The following CCNB1 variants were observed in gnomAD, a reference collection of about 807,000 sequenced individuals.
CCNB1 encodes cyclin B1.
CCNB1 carries 26 observed loss-of-function variants against 44.4 expected under a neutral mutation model. That is an observed-to-expected ratio of 0.59 (90% CI 0.43 to 0.81). The LOEUF is 0.81. Among genes scored for constraint, CCNB1 ranks in the 40% least tolerant of loss-of-function variants. The pLI is 0.00. For synonymous variants in CCNB1, 195 were observed against 181.4 expected, an observed-to-expected ratio of 1.08 and a Z score of -0.60; for missense variants, 477 against 520.9, an observed-to-expected ratio of 0.92 and a Z score of 0.82.
intron 5 of CCNB1, 80 bp downstream of exon 5, chr5:69,174,489 C>T (rs1314282808): frequency 9.6e-6 from 13 of 1,349,910 alleles, no homozygotes; most frequent in East Asian, 2.3e-5. Context: ...CCAGTCTGGG[C>T]GCAGTGGCTC....
intron 3 of CCNB1, among the ~76,000 whole-genome samples, chr5:69,170,182 G>T (rs1278677080): frequency 6.9e-6 from 1 of 144,124 alleles, no homozygotes; most frequent in South Asian, 2.3e-4. Context: ...GGAGTTTCAC[G>T]ATGTTGGCCA....
At position 69,167,793 on chromosome 5, in the gene CCNB1, C is replaced by G. The variant is rs544663194; in HGVS notation, c.22-115C>G. The G allele has an allele frequency of 2.3e-3, 2,116 of 920,834 alleles. 9 individuals carry two copies. The highest frequency in any genetic ancestry group is 2.9e-3 in the Non-Finnish European group (1,801 of 614,688). The allele number at this position is 920,834 out of a possible 1,614,324, so 57.0% of individuals were successfully genotyped here. On this transcript the variant is annotated intron_variant, in intron 1 of 8. Transcript: ENST00000256442. ...CTGGGACCCATGTTTTCCCTCGGAA[C>G]CCATTTTTAGTCGGCTTTCTTTCTG... is the stretch of plus-strand genomic sequence containing the variant.
rs547242357 is a variant in CCNB1 at position 69,170,214 on chromosome 5, C to T, written c.364-1056C>T. On this transcript the variant is annotated intron_variant, in intron 3 of 8. Transcript: ENST00000256442. ...GCCAGGCTGGTCTCGAACTCCTGAC[C>T]TCGTGATCTGCCTGCCTCGGCCTTC... Among the ~76,000 whole-genome samples, 4 of 151,924 alleles carry T rather than the reference C, an allele frequency of 2.6e-5. No individual in the cohort carries two copies. The South Asian group carries it at 8.3e-4, about 32-fold the overall frequency.
In CCNB1 at chr5:69,174,381, C is replaced by T; in HGVS notation, c.677C>T (p.Thr226Ile). The change falls in exon 5 of 9, where the codon ACT becomes ATT. Residue 226 changes from threonine to isoleucine, a missense_variant. By Grantham distance (89) the Thr-to-Ile change is moderately conservative. Transcript: ENST00000256442. ...TTGTTGCAGGAGACCATGTACATGA[C>T]TGTCTCCATTATTGATCGGTTCATG... ...FRLLQETMYM[T>I]VSIIDRFMQN... 1 of 1,613,702 alleles carries T rather than the reference C, an allele frequency of 6.2e-7. No homozygotes were observed. Among genetic ancestry groups the T allele is most frequent in the Non-Finnish European group, 8.5e-7 (1 of 1,179,606 alleles).
chr5:69,169,638 CCT>C (rs944420605), intron 3 of CCNB1, among the ~76,000 whole-genome samples: 30 of 152,086 alleles, frequency 2.0e-4, no homozygotes, highest in African/African-American at 5.5e-4. Context: ...ATCTCCACCC[CCT>C]GTTCCTAGAA....
At chr5:69,170,823 G>T (rs1747443071) in intron 3 of CCNB1, among the ~76,000 whole-genome samples, 1 of 152,182 alleles carries the variant, frequency 6.6e-6, no homozygotes, top group Admixed American at 6.5e-5. Context: ...TTGCTATATT[G>T]CCCAGGCTAG....
chr5:69,177,034 C>A, intron 7 of CCNB1: 2 of 408,868 alleles, frequency 4.9e-6, no homozygotes, highest in Non-Finnish European at 8.7e-6. Flanking sequence ...GTGGGCAAGT[C>A]AGCAATTACA....
intron 3 of CCNB1, among the ~76,000 whole-genome samples, chr5:69,171,051 T>A (rs1747447987): frequency 6.6e-6 from 1 of 152,098 alleles, no homozygotes; most frequent in South Asian, 2.1e-4. Flanking sequence ...AGATTAAAGG[T>A]GTGAGCCACC....
intron 7 of CCNB1, among the ~76,000 whole-genome samples, chr5:69,176,121 C>G (rs908856661): frequency 6.6e-6 from 1 of 151,166 alleles, no homozygotes; most frequent in Non-Finnish European, 1.5e-5. Context: ...ACTCTGGGCT[C>G]AAGCGATCCA....
At chr5:69,176,546 T>TGTA (rs1554057065) in intron 7 of CCNB1, among the ~76,000 whole-genome samples, 4 of 149,304 alleles carry the variant, frequency 2.7e-5, no homozygotes, top group Admixed American at 1.3e-4. Flanking sequence ...ATATATATTT[T>TGTA]TTTTTAGTAG....
At chr5:69,170,295 T>C (rs762445227) in intron 3 of CCNB1, among the ~76,000 whole-genome samples, 67 of 152,248 alleles carry the variant, frequency 4.4e-4, no homozygotes, top group Non-Finnish European at 7.6e-4. Context: ...TTCTTTACTT[T>C]GTCTACTAAA....
At position 69,168,311 on chromosome 5, in the gene CCNB1, AAAG is replaced by A; in HGVS notation, c.337_339del (p.Glu113del). The A allele has an allele frequency of 1.2e-6, 2 of 1,614,022 alleles. No individual in the cohort carries two copies. Among genetic ancestry groups the A allele is most frequent in the Non-Finnish European group, 1.7e-6 (2 of 1,179,862 alleles). On this transcript the variant is annotated inframe_deletion, in exon 3 of 9. Transcript: ENST00000256442. ...ACCTGAGCCAGAACCTGAGCCTGTT[AAAG>A]AAGAAAAACTTTCGCCTGAGCCTAT...
In CCNB1 at chr5:69,171,430, A is replaced by G; in HGVS notation, c.524A>G (p.Tyr175Cys). The G allele has an allele frequency of 1.2e-6, 2 of 1,605,310 alleles. No homozygotes were observed. Among genetic ancestry groups the G allele is most frequent in the Non-Finnish European group, 1.7e-6 (2 of 1,177,416 alleles). The change falls in exon 4 of 9, where the codon TAT (tyrosine) becomes TGT (cysteine). Residue 175 changes from tyrosine to cysteine, a missense_variant. Physicochemically the swap from Tyr to Cys is radical, Grantham distance 194 (BLOSUM62 -2). Transcript: ENST00000256442. ...NLCSEYVKDI[Y>C]AYLRQLEEEQ... ...TGTAGTGAATATGTGAAAGATATTT[A>G]TGCTTATCTGAGACAACTTGAGGTA...
At chr5:69,171,204 G>A (rs1184935283) in intron 3 of CCNB1, 66 bp from the exon 4 acceptor site, 2 of 1,262,310 alleles carry the variant, frequency 1.6e-6, no homozygotes, top group Non-Finnish European at 2.2e-6. Context: ...CCAATAACCT[G>A]AACTTCATGC....
At chr5:69,174,775 T>TAATC (rs2112056981) in intron 5 of CCNB1, 102 bp from the exon 6 acceptor site, 2 of 932,306 alleles carry the variant, frequency 2.1e-6, no homozygotes, top group Non-Finnish European at 3.4e-6. Flanking sequence ...ATGGTGTCAT[T>TAATC]AAGATTTTGC....
intron 3 of CCNB1, among the ~76,000 whole-genome samples, chr5:69,168,979 T>G (rs1017296926): frequency 2.0e-5 from 3 of 152,180 alleles, no homozygotes; most frequent in African/African-American, 7.2e-5. Context: ...GAAAGGTAGG[T>G]CATGTAGAGG....
At chr5:69,174,143 T>C (rs1198201963) in intron 4 of CCNB1, 108 bp from the exon 5 acceptor site, 8 of 857,130 alleles carry the variant, frequency 9.3e-6, no homozygotes, top group East Asian at 2.4e-5. Flanking sequence ...AGAACTGATA[T>C]AGATTATAAA....
In CCNB1 at chr5:69,168,229, T is replaced by G. The variant is rs757225235; in HGVS notation, c.249T>G (p.Leu83=). 19 of 1,614,050 alleles carry G rather than the reference T, an allele frequency of 1.2e-5. No individual in the cohort carries two copies. The South Asian group carries it at 2.1e-4, about 18-fold the overall frequency. ...KVIDKKLPKP[L]EKVPMLVPVP... ...TTGATAAAAAACTACCAAAACCTCT[T>G]GAAAAGGTACCTATGCTGGTGCCAG... Residue 83 remains leucine (L), a synonymous_variant, in exon 3 of 9, where the codon CTT becomes CTG. Coordinates refer to ENST00000256442, the MANE Select transcript of CCNB1 (RefSeq NM_031966.4).
intron 4 of CCNB1, among the ~76,000 whole-genome samples, chr5:69,171,680 T>C (rs2069433): frequency 0.11 from 16,419 of 152,174 alleles, 1,093 homozygotes; most frequent in South Asian, 0.18. Flanking sequence ...GATACTACTA[T>C]CGCTTTCTAA....
Sources: allele counts gnomAD v4.1 joint callset (sites outside exome capture counted in the v4.1 genomes callset), GRCh38; gene constraint gnomAD v4.1.1; transcripts MANE v1.5; gene names NCBI Gene and HGNC (gene_info 2026-07-23, HGNC 2026-07-21).